PHC3: variants seen among roughly 807,000 people sequenced by gnomAD.
PHC3 encodes the protein polyhomeotic homolog 3.
PHC3 carries 13 observed loss-of-function variants against 107.4 expected under a neutral mutation model. That is an observed-to-expected ratio of 0.12 (90% confidence interval 0.08 to 0.19). The LOEUF is 0.19. Ranked by LOEUF, PHC3 falls within the 10% of genes least tolerant of loss-of-function variation. The pLI is 1.00. For missense variants in PHC3, 992 were observed against 1,210.9 expected (o/e 0.82, Z 2.68); for synonymous variants, 456 against 427.4 (o/e 1.07, Z -0.83).
chr3:170,097,275 T>C lies in PHC3; in HGVS notation c.2943A>G (p.Pro981=). ...TGATGCGTGCACAGATCTTCAGGGCTGGGCCTAGCTTGATATTCATTGCAC... is the reference window on the plus strand; with the variant it reads ...TGATGCGTGCACAGATCTTCAGGGCCGGGCCTAGCTTGATATTCATTGCAC... ...LMSAMNIKLG[P]ALKICARINS... Residue 981 remains proline, a synonymous_variant, in exon 15 of 15, where the codon CCA becomes CCG. Transcript: ENST00000495893. This position sits in a 1 kb window ranked among gnomAD's most constrained non-coding sequence, Gnocchi z 4.1. 6.2e-7 allele frequency: 1 copy of C among 1,613,496 alleles called. No individual in the cohort carries two copies. Among genetic ancestry groups the C allele is most frequent in the South Asian group, 1.1e-5 (1 of 91,056 alleles).
chr3:170,154,197 T>C (rs1052321134), intron 4 of PHC3, among the ~76,000 whole-genome samples: 1 of 152,220 alleles, frequency 6.6e-6, no homozygotes, highest in African/African-American at 2.4e-5. Flanking sequence ...ACGAAAGGTC[T>C]TCATTCAATA....
chr3:170,102,375 C>A, intron 14 of PHC3, 104 bp downstream of exon 14: 1 of 1,507,066 alleles, frequency 6.6e-7, no homozygotes, highest in Non-Finnish European at 8.9e-7. Flanking sequence ...TACATATACA[C>A]AGTACTTCTC....
chr3:170,115,567 CA>C (rs1416564566), intron 10 of PHC3, among the ~76,000 whole-genome samples: 1 of 152,070 alleles, frequency 6.6e-6, no homozygotes, highest in Non-Finnish European at 1.5e-5. Context: ...GTACATTTCC[CA>C]AATCTTCCAT....
chr3:170,166,375 A>T (rs566662516), intron 4 of PHC3, among the ~76,000 whole-genome samples: 1 of 152,308 alleles, frequency 6.6e-6, no homozygotes, highest in East Asian at 1.9e-4. Flanking sequence ...CAAATAGAAT[A>T]ACCAAAATAA....
At chr3:170,179,185 G>T (rs894079842) in intron 1 of PHC3, among the ~76,000 whole-genome samples, 1 of 152,068 alleles carries the variant, frequency 6.6e-6, no homozygotes, top group Admixed American at 6.6e-5. Flanking sequence ...CTCAGATAAC[G>T]CATAGCCAAA....
chr3:170,093,413 A>C lies in PHC3; in HGVS notation c.*3817T>G, dbSNP rs1291411604. ...GCAATCCACCAAGGTGAAAACCACA[A>C]ACTATAACCAGGCTGTTCTGGCTGA... is the stretch of plus-strand genomic sequence containing the variant. On this transcript the variant is annotated 3_prime_UTR_variant, in exon 15 of 15. Coordinates refer to ENST00000495893, the MANE Select transcript of PHC3 (RefSeq NM_024947.4). The C allele has an allele frequency of 6.6e-6, 1 of 152,224 alleles. No individual in the cohort carries two copies. The highest frequency in any genetic ancestry group is 1.5e-5 in the Non-Finnish European group (1 of 68,042). 9.4% of individuals were successfully genotyped at this position (152,224 alleles called of 1,614,324 possible).
chr3:170,149,248 A>T lies in PHC3; in HGVS notation c.415-4T>A, dbSNP rs780873264. 1 of 1,607,598 alleles carries T rather than the reference A, an allele frequency of 6.2e-7. No individual in the cohort carries two copies. Among genetic ancestry groups the T allele is most frequent in the Non-Finnish European group, 8.5e-7 (1 of 1,177,266 alleles). On this transcript the variant is annotated splice_polypyrimidine_tract_variant and splice_region_variant and intron_variant, in intron 4 of 14. Transcript: ENST00000495893. ...TAGGAGAAGTGGAGAGGTTGATCTAAGGAAGAAAACATATTAGGTCATAGG... is the reference window on the plus strand; with the variant it reads ...TAGGAGAAGTGGAGAGGTTGATCTATGGAAGAAAACATATTAGGTCATAGG...
Position 170,114,269 on chromosome 3 carries a change from G to A in PHC3, c.2194-750C>T, listed in dbSNP as rs150351979. Among the ~76,000 whole-genome samples, 474 of 152,116 alleles carry A rather than the reference G, an allele frequency of 3.1e-3. 1 individual carries two copies. The highest frequency in any genetic ancestry group is 5.6e-3 in the Non-Finnish European group (380 of 67,964). On this transcript the variant is annotated intron_variant, in intron 10 of 14. Transcript: ENST00000495893. ...GGTGATCCACCCACCTCAGCCTCCC[G>A]AAGTGCTGGGATTACAGGCGTGAGC...
chr3:170,160,802 G>A (rs1727761779), intron 4 of PHC3, among the ~76,000 whole-genome samples: 1 of 152,122 alleles, frequency 6.6e-6, no homozygotes. Context: ...AGTTACTCAG[G>A]AGGCTGAGGG....
chr3:170,128,998 G>A lies in PHC3; in HGVS notation c.1474C>T (p.Gln492Ter). 1 of 1,613,884 alleles carries A rather than the reference G, an allele frequency of 6.2e-7. No homozygotes were observed. The highest frequency in any genetic ancestry group is 8.5e-7 in the Non-Finnish European group (1 of 1,179,814). ...TGCTGGTGTGATGGAGAGACAATCT[G>A]CTGGCCTGGGGATACCAAGGCAGAC... Reference protein sequence around the residue: ...QQSALVSPGQQIVSPSHQQYS... With the variant: ...QQSALVSPGQ The change falls in exon 8 of 15, where the codon CAG (glutamine) becomes TAG (stop). Residue 492 changes from glutamine (Q) to a stop codon, truncating the protein, a stop_gained. Coordinates refer to ENST00000495893, the MANE Select transcript of PHC3 (RefSeq NM_024947.4). LOFTEE classifies it high-confidence loss of function.
intron 2 of PHC3, among the ~76,000 whole-genome samples, chr3:170,174,539 GA>G (rs1434430343): frequency 6.6e-6 from 1 of 152,174 alleles, no homozygotes; most frequent in African/African-American, 2.4e-5. Flanking sequence ...CTGTGACTCT[GA>G]AACAGCACAG....
At chr3:170,181,634 G>A (rs1731455145) in intron 1 of PHC3, 68 bp downstream of exon 1, 2 of 1,608,568 alleles carry the variant, frequency 1.2e-6, no homozygotes, top group Non-Finnish European at 1.7e-6. Flanking sequence ...GCTTTCCCCT[G>A]GGGGAACGTG....
At chr3:170,152,859 A>C (rs1726235412) in intron 4 of PHC3, among the ~76,000 whole-genome samples, 1 of 150,910 alleles carries the variant, frequency 6.6e-6, no homozygotes, top group Non-Finnish European at 1.5e-5. Context: ...ACAGGGTTTC[A>C]TCATGTTGCC....
intron 7 of PHC3, among the ~76,000 whole-genome samples, chr3:170,132,044 A>G (rs1722337665): frequency 6.6e-6 from 1 of 152,194 alleles, no homozygotes; most frequent in Admixed American, 6.5e-5. Context: ...GGCTATGTGA[A>G]GCAATACCTC....
At chr3:170,171,119 A>AT (rs1560130518) in intron 4 of PHC3, 2 of 502,186 alleles carry the variant, frequency 4.0e-6, no homozygotes, top group Non-Finnish European at 6.9e-6. Context: ...CTGAAACCAC[A>AT]TAAGATCTGA....
intron 4 of PHC3, among the ~76,000 whole-genome samples, chr3:170,169,442 G>A (rs1436283972): frequency 6.6e-6 from 1 of 152,104 alleles, no homozygotes. Flanking sequence ...AAGTTACCTT[G>A]GGCATTGTAA....
intron 4 of PHC3, 90 bp from the exon 5 acceptor site, chr3:170,149,334 G>GTATT: frequency 7.8e-7 from 1 of 1,282,092 alleles, no homozygotes; most frequent in Non-Finnish European, 1.0e-6. Flanking sequence ...GGCAATCAAT[G>GTATT]GTATAAACTG....
At chr3:170,165,716 T>C (rs964150705) in intron 4 of PHC3, among the ~76,000 whole-genome samples, 7 of 138,522 alleles carry the variant, frequency 5.1e-5, no homozygotes, top group African/African-American at 1.9e-4. Flanking sequence ...ATCATGCCAC[T>C]GTACTCCAGC....
chr3:170,115,190 A>T (rs1026533676), intron 10 of PHC3, among the ~76,000 whole-genome samples: 1 of 152,092 alleles, frequency 6.6e-6, no homozygotes, highest in African/African-American at 2.4e-5. Context: ...AAAAAATGGA[A>T]ACCTAATGTC....
Sources: allele counts gnomAD v4.1 joint callset (sites outside exome capture counted in the v4.1 genomes callset), GRCh38; gene constraint gnomAD v4.1.1; non-coding constraint Gnocchi (gnomAD v3.1); transcripts MANE v1.5; gene names NCBI Gene and HGNC (gene_info 2026-07-23, HGNC 2026-07-21).